NRG3: variants seen among roughly 807,000 people sequenced by gnomAD.
NRG3 encodes pro-neuregulin-3, membrane-bound isoform.
In NRG3, 31 loss-of-function variants were observed where a neutral mutation model predicts 66.9. The ratio of observed to expected loss-of-function variants is 0.46; its 90% CI spans 0.35 to 0.63. The LOEUF (loss-of-function observed/expected upper bound fraction) is 0.63. Ranked by LOEUF, NRG3 falls within the 20% of genes least tolerant of loss-of-function variation. The pLI, the probability that NRG3 is intolerant of heterozygous loss-of-function variation, is 0.00. For missense variants in NRG3, 910 were observed against 878.9 expected (o/e 1.04, Z -0.45); for synonymous variants, 393 against 359.4 (o/e 1.09, Z -1.06).
chr10:82,401,916 G>A (rs1440859543), intron 2 of NRG3, among the ~76,000 whole-genome samples: 1 of 151,960 alleles, frequency 6.6e-6, no homozygotes, highest in Non-Finnish European at 1.5e-5. Context: ...GTAAGATGAT[G>A]TTCTATTGCT....
intron 2 of NRG3, among the ~76,000 whole-genome samples, chr10:82,485,086 C>A (rs1418595137): frequency 6.6e-6 from 1 of 152,120 alleles, no homozygotes; most frequent in Non-Finnish European, 1.5e-5. Flanking sequence ...TCACAATACA[C>A]CTTGCTCCAT....
chr10:82,181,256 C>T (rs541870257), intron 1 of NRG3, among the ~76,000 whole-genome samples: 1 of 151,472 alleles, frequency 6.6e-6, no homozygotes, highest in African/African-American at 2.4e-5. Flanking sequence ...TATTTTTGTT[C>T]TAACCTTCAT....
rs17099591 is a variant in NRG3, at chr10:82,208,570, A to G, written c.824-150169A>G. On this transcript the variant is annotated intron_variant, in intron 1 of 8. Coordinates refer to ENST00000372141, the MANE Select transcript of NRG3 (RefSeq NM_001010848.4). ...CTATAAAAGAGCACGAACAAAGACA[A>G]TGTTTGAGGAGCTCTGTTCTTTGGT... 5.7e-3 allele frequency among the ~76,000 whole-genome samples: 866 copies of G among 151,978 alleles called. 11 individuals are homozygous for G. The highest frequency in any genetic ancestry group is 0.02 in the African/African-American group (823 of 41,492).
At chr10:82,863,012 C>T (rs1290578539) in intron 3 of NRG3, among the ~76,000 whole-genome samples, 1 of 152,058 alleles carries the variant, frequency 6.6e-6, no homozygotes, top group Non-Finnish European at 1.5e-5. Context: ...CCTCCCTTTG[C>T]CCCTTACCCC....
intron 3 of NRG3, among the ~76,000 whole-genome samples, chr10:82,838,864 T>C (rs1286746707): frequency 6.6e-6 from 1 of 152,150 alleles, no homozygotes; most frequent in African/African-American, 2.4e-5. Flanking sequence ...GAAGGTTTAA[T>C]GGACTCACAG....
At chr10:82,423,667 A>G (rs1429020686) in intron 2 of NRG3, among the ~76,000 whole-genome samples, 1 of 152,036 alleles carries the variant, frequency 6.6e-6, no homozygotes, top group Non-Finnish European at 1.5e-5. Context: ...GAAACAATTC[A>G]CATACTATGT....
chr10:82,883,505 T>C (rs1460093581), intron 4 of NRG3, among the ~76,000 whole-genome samples: 1 of 152,188 alleles, frequency 6.6e-6, no homozygotes, highest in Non-Finnish European at 1.5e-5. Flanking sequence ...TTCTTGTCTG[T>C]AAGACAGGGC....
At chr10:82,193,494 T>C (rs2074276607) in intron 1 of NRG3, among the ~76,000 whole-genome samples, 1 of 152,140 alleles carries the variant, frequency 6.6e-6, no homozygotes. Flanking sequence ...AAAAACTGAT[T>C]GTAGAGGAAC....
intron 2 of NRG3, among the ~76,000 whole-genome samples, chr10:82,696,825 GT>G (rs2134249181): frequency 1.3e-5 from 2 of 152,306 alleles, no homozygotes; most frequent in African/African-American, 4.8e-5. Flanking sequence ...GAATCTGACC[GT>G]TTTCAAGTAA....
At chr10:82,266,355 A>G (rs2134257991) in intron 1 of NRG3, among the ~76,000 whole-genome samples, 1 of 152,240 alleles carries the variant, frequency 6.6e-6, no homozygotes, top group Middle Eastern at 3.4e-3. Flanking sequence ...GTTAGTGATC[A>G]CCTGGACATG....
chr10:82,463,174 A>G (rs1307133174), intron 2 of NRG3, among the ~76,000 whole-genome samples: 2 of 152,164 alleles, frequency 1.3e-5, no homozygotes, highest in African/African-American at 4.8e-5. Flanking sequence ...CCTGCTTTGA[A>G]TTTTTAGACA....
At chr10:82,828,931 A>G (rs1332402843) in intron 3 of NRG3, among the ~76,000 whole-genome samples, 2 of 152,194 alleles carry the variant, frequency 1.3e-5, no homozygotes, top group Non-Finnish European at 2.9e-5. Context: ...CAAGGAATAT[A>G]TTCTATAACA....
At chr10:82,788,553 G>C (rs1346308799) in intron 3 of NRG3, among the ~76,000 whole-genome samples, 1 of 152,092 alleles carries the variant, frequency 6.6e-6, no homozygotes, top group East Asian at 1.9e-4. Flanking sequence ...CTGGGTGACA[G>C]AGTGAGACTC....
rs58975630 is a variant in NRG3, at chr10:82,362,079, C to CAAAAA, written c.953+3237_953+3241dup. Among the ~76,000 whole-genome samples the CAAAAA allele has an allele frequency of 5.7e-4, 8 of 13,926 alleles. 2 individuals carry two copies. The highest frequency in any genetic ancestry group is 1.1e-3 in the African/African-American group (7 of 6,482). 9.1% of individuals were successfully genotyped at this position (13,926 alleles called of 152,430 possible). On this transcript the variant is annotated intron_variant, in intron 2 of 8. Coordinates refer to ENST00000372141, the MANE Select transcript of NRG3 (RefSeq NM_001010848.4). ...GTGATAGAAATCCTGAAAGTACATG[C>CAAAAA]AAAAAAAAAAAAAAAAAAAAAAAAA...
intron 1 of NRG3, among the ~76,000 whole-genome samples, chr10:82,196,326 G>C (rs2074446266): frequency 6.6e-6 from 1 of 152,168 alleles, no homozygotes; most frequent in Non-Finnish European, 1.5e-5. Flanking sequence ...ACATTAGAAG[G>C]AGATGTAAGT....
intron 2 of NRG3, among the ~76,000 whole-genome samples, chr10:82,540,603 G>A (rs143953972): frequency 6.6e-6 from 1 of 152,016 alleles, no homozygotes; most frequent in South Asian, 2.1e-4. Flanking sequence ...GGAGTAAGGG[G>A]ACATCCACCC....
intron 1 of NRG3, among the ~76,000 whole-genome samples, chr10:82,345,704 T>A (rs2082971618): frequency 6.6e-6 from 1 of 151,978 alleles, no homozygotes; most frequent in African/African-American, 2.4e-5. Flanking sequence ...GAGCATGGAA[T>A]GTTCTTCCAT....
chr10:82,751,204 T>G (rs2058849603), intron 3 of NRG3, among the ~76,000 whole-genome samples: 1 of 152,270 alleles, frequency 6.6e-6, no homozygotes, highest in Admixed American at 6.5e-5. Flanking sequence ...GTGTCTCCAC[T>G]GTCTCCATTT....
At chr10:81,955,072 C>A (rs1564687778) in intron 1 of NRG3, among the ~76,000 whole-genome samples, 1 of 150,288 alleles carries the variant, frequency 6.7e-6, no homozygotes, top group Non-Finnish European at 1.5e-5. Flanking sequence ...TATGTAGATA[C>A]AGATATATAC....
Sources: gnomAD v4.1 joint callset for allele counts (sites outside exome capture counted in the v4.1 genomes callset) on GRCh38, gnomAD v4.1.1 for gene constraint, MANE v1.5 for transcripts, NCBI Gene and HGNC (gene_info 2026-07-23, HGNC 2026-07-21) for gene names.